The following DYNC2H1 variants were observed in gnomAD, a reference collection of about 807,000 sequenced individuals.
The protein encoded by DYNC2H1 is dynein cytoplasmic 2 heavy chain 1, also known as cytoplasmic dynein 2 heavy chain 1.
In DYNC2H1, 410 loss-of-function variants were observed where a neutral mutation model predicts 570.0. The ratio of observed to expected loss-of-function variants is 0.72; its 90% confidence interval spans 0.66 to 0.78. The LOEUF is 0.78. Ranked by LOEUF, DYNC2H1 falls within the 30% of genes least tolerant of loss-of-function variation. The pLI, the probability that DYNC2H1 is intolerant of heterozygous loss-of-function variation, is 0.00. For synonymous variants in DYNC2H1, 1,688 were observed against 1,677.6 expected (o/e 1.01, Z -0.15); for missense variants, 4,865 against 5,046.4 (o/e 0.96, Z 1.09).
chr11:103,272,771 T>A (rs1865760719), intron 70 of DYNC2H1, among the ~76,000 whole-genome samples: 1 of 152,120 alleles, frequency 6.6e-6, no homozygotes, highest in Non-Finnish European at 1.5e-5. Context: ...TTATAATTAT[T>A]TACTAGAGTG....
In DYNC2H1 at chr11:103,154,704, A is replaced by G. The variant is rs949975352; in HGVS notation, c.3468A>G (p.Thr1156=). 4 of 1,568,348 alleles carry G rather than the reference A, an allele frequency of 2.6e-6. No individual in the cohort carries two copies. Among genetic ancestry groups the G allele is most frequent in the African/African-American group, 1.4e-5 (1 of 73,824 alleles). Residue 1156 remains threonine (T), a synonymous_variant, in exon 24 of 89, where the codon ACA becomes ACG. Transcript: ENST00000375735. ...NEDWITFRTK[T]YLFEEFLMNW... Reference sequence around the variant, plus strand: ...TTTTGGTATTTTATAGGACTAAGACATACCTGTTTGAGGAATTTTTGATGA... The same window carrying G: ...TTTTGGTATTTTATAGGACTAAGACGTACCTGTTTGAGGAATTTTTGATGA...
In DYNC2H1 at chr11:103,239,522, G is replaced by C. The variant is rs563190425; in HGVS notation, c.9819+2983G>C. On this transcript the variant is annotated intron_variant, in intron 63 of 88. Coordinates refer to ENST00000375735, the MANE Select transcript of DYNC2H1 (RefSeq NM_001377.3). This position sits in a 1 kb window ranked among gnomAD's most constrained non-coding sequence, Gnocchi z 4.3. ...AGATTCATGTGTTATCCCTTTTATA[G>C]ATAAGGACATTGAGGCACAGAAGAG... Among the ~76,000 whole-genome samples, 1 of 152,110 alleles carries C rather than the reference G, an allele frequency of 6.6e-6. No homozygotes were observed. Among genetic ancestry groups the C allele is most frequent in the Non-Finnish European group, 1.5e-5 (1 of 67,992 alleles).
At chr11:103,330,182 G>A (rs1337809169) in intron 82 of DYNC2H1, among the ~76,000 whole-genome samples, 3 of 152,124 alleles carry the variant, frequency 2.0e-5, no homozygotes, top group African/African-American at 7.2e-5. Flanking sequence ...CCACGTAAGT[G>A]GTAAAATAGA....
Position 103,261,245 on chromosome 11 carries a change from G to C in DYNC2H1, c.10695+1268G>C, listed in dbSNP as rs1865268475. Among the ~76,000 whole-genome samples the C allele has an allele frequency of 6.6e-6, 1 of 151,510 alleles. No individual in the cohort carries two copies. Among genetic ancestry groups the C allele is most frequent in the Non-Finnish European group, 1.5e-5 (1 of 67,696 alleles). ...CATCTCCCTGAGACAGAGCAGCTGG[G>C]GGGAAGGGGTGGCTGTGGGCGCAGC... On this transcript the variant is annotated intron_variant, in intron 70 of 88. Transcript: ENST00000375735. The surrounding 1 kb of genome is among the most constrained non-coding windows in gnomAD (Gnocchi z 4.8).
Position 103,459,768 on chromosome 11 carries a change from A to C in DYNC2H1, c.12648+3412A>C, listed in dbSNP as rs372209750. 5.3e-5 allele frequency among the ~76,000 whole-genome samples: 8 copies of C among 151,172 alleles called. No homozygotes were observed. The South Asian group carries it at 6.3e-4, about 12-fold the overall frequency. ...GAGATCGAGACCATCCTGGCTAACA[A>C]GGTGAAACCCCGTCTCTACTAAAAA... On this transcript the variant is annotated intron_variant, in intron 87 of 88. Coordinates refer to ENST00000375735, the MANE Select transcript of DYNC2H1 (RefSeq NM_001377.3).
intron 85 of DYNC2H1, among the ~76,000 whole-genome samples, chr11:103,443,818 G>T (rs1369667302): frequency 6.6e-6 from 1 of 151,436 alleles, no homozygotes; most frequent in East Asian, 1.9e-4. Flanking sequence ...TTTATGTCTG[G>T]ATTGAAGATG....
At chr11:103,196,377 G>A (rs1230775512) in intron 47 of DYNC2H1, among the ~76,000 whole-genome samples, 1 of 152,058 alleles carries the variant, frequency 6.6e-6, no homozygotes, top group African/African-American at 2.4e-5. Context: ...ATGAGGGTAG[G>A]AATCATGTTT....
chr11:103,367,450 G>A (rs187392987), intron 83 of DYNC2H1, among the ~76,000 whole-genome samples: 109 of 152,088 alleles, frequency 7.2e-4, no homozygotes, highest in African/African-American at 2.5e-3. Context: ...TTCAAAATTT[G>A]TTGTTACCTT....
At chr11:103,347,426 CA>C (rs1165435531) in intron 82 of DYNC2H1, among the ~76,000 whole-genome samples, 4 of 142,132 alleles carry the variant, frequency 2.8e-5, no homozygotes, top group African/African-American at 1.0e-4. Flanking sequence ...GTAGTTATAT[CA>C]TTTTTTTTTT....
Position 103,277,337 on chromosome 11 carries a change from C to A in DYNC2H1, c.10696-3011C>A, listed in dbSNP as rs1262336254. On this transcript the variant is annotated intron_variant, in intron 70 of 88. Coordinates refer to ENST00000375735, the MANE Select transcript of DYNC2H1 (RefSeq NM_001377.3). This position sits in a 1 kb window ranked among gnomAD's most constrained non-coding sequence, Gnocchi z 4.3. ...ATGTGGGTAATTTCCTTCGGTTTTT[C>A]TTTCATTTTACTTATATTTTACAAA... 6.6e-6 allele frequency among the ~76,000 whole-genome samples: 1 copy of A among 151,720 alleles called. No individual in the cohort carries two copies. The highest frequency in any genetic ancestry group is 1.9e-4 in the East Asian group (1 of 5,184).
intron 84 of DYNC2H1, among the ~76,000 whole-genome samples, chr11:103,431,231 A>C (rs1943880316): frequency 1.3e-5 from 2 of 151,602 alleles, no homozygotes; most frequent in South Asian, 4.2e-4. Context: ...AAAAAAAAAA[A>C]AACTAAAAAA....
chr11:103,440,887 C>T (rs684308), intron 85 of DYNC2H1, among the ~76,000 whole-genome samples: 14,361 of 152,178 alleles, frequency 0.094, 720 homozygotes, highest in African/African-American at 0.13. Flanking sequence ...ACCACTACCT[C>T]GATTGAAGTC....
intron 84 of DYNC2H1, among the ~76,000 whole-genome samples, chr11:103,415,905 G>A (rs2135702284): frequency 6.6e-6 from 1 of 152,316 alleles, no homozygotes; most frequent in South Asian, 2.1e-4. Context: ...AAACCCAAAT[G>A]TCTATCAATG....
chr11:103,322,577 T>TA (rs1591576779), intron 81 of DYNC2H1, among the ~76,000 whole-genome samples: 2 of 152,186 alleles, frequency 1.3e-5, no homozygotes, highest in African/African-American at 2.4e-5. Context: ...TATATATATA[T>TA]TTTTATGTAC....
intron 59 of DYNC2H1, among the ~76,000 whole-genome samples, chr11:103,227,303 T>C (rs542869472): frequency 6.6e-6 from 1 of 152,282 alleles, no homozygotes; most frequent in South Asian, 2.1e-4. Context: ...TCGTACTTTT[T>C]GATATAGGCA....
intron 74 of DYNC2H1, among the ~76,000 whole-genome samples, chr11:103,287,142 T>A (rs1866383283): frequency 6.8e-6 from 1 of 147,992 alleles, no homozygotes; most frequent in African/African-American, 2.4e-5. Flanking sequence ...ATGCTATTTC[T>A]ATTTTTTTTT....
intron 2 of DYNC2H1, 77 bp from the exon 3 acceptor site, chr11:103,114,026 T>G (rs1858247274): frequency 3.2e-6 from 5 of 1,540,462 alleles, no homozygotes; most frequent in African/African-American, 1.4e-5. Context: ...AATGGGGTTT[T>G]GGACAGTGTT....
At chr11:103,450,005 T>C (rs1944545267) in intron 85 of DYNC2H1, among the ~76,000 whole-genome samples, 1 of 152,086 alleles carries the variant, frequency 6.6e-6, no homozygotes, top group South Asian at 2.1e-4. Flanking sequence ...AGGAAAATGA[T>C]AGAAAAAGAT....
At chr11:103,309,474 G>T (rs567123968) in intron 78 of DYNC2H1, among the ~76,000 whole-genome samples, 1 of 150,640 alleles carries the variant, frequency 6.6e-6, no homozygotes. Context: ...GGGATTACAG[G>T]CATGAGCCAT....
Sources: allele counts gnomAD v4.1 joint callset (sites outside exome capture counted in the v4.1 genomes callset), GRCh38; gene constraint gnomAD v4.1.1; non-coding constraint Gnocchi (gnomAD v3.1); transcripts MANE v1.5; gene names NCBI Gene and HGNC (gene_info 2026-07-23, HGNC 2026-07-21).